Variants in MRPS25 observed in about 807,000 individuals in gnomAD.
The protein encoded by MRPS25 is mitochondrial ribosomal protein S25.
MRPS25 carries 15 observed loss-of-function variants against 17.3 expected under a neutral mutation model. The ratio of observed to expected loss-of-function variants is 0.87; its 90% CI spans 0.58 to 1.34. The LOEUF (loss-of-function observed/expected upper bound fraction) is 1.34, where lower values mean the gene tolerates loss of function less well. Among genes scored for constraint, MRPS25 ranks in the 40% most tolerant of loss-of-function variants. The pLI is 0.00. For missense variants in MRPS25, 225 were observed against 218.6 expected (o/e 1.03, Z -0.19); for synonymous variants, 94 against 83.3 (o/e 1.13, Z -0.70).
downstream of MRPS25, chr3:15,042,567 GT>G (rs1292242964): frequency 4.8e-5 from 16 of 335,976 alleles, no homozygotes; most frequent in Non-Finnish European, 8.1e-5. Flanking sequence ...GAATTTCCAG[GT>G]TTTCTCTTGG....
intron 2 of MRPS25, among the ~76,000 whole-genome samples, chr3:15,058,549 G>A (rs781431576): frequency 9.2e-5 from 14 of 152,098 alleles, no homozygotes; most frequent in Non-Finnish European, 1.8e-4. Context: ...TAATCTCCAC[G>A]AGGGCAGCAG....
At position 15,051,631 on chromosome 3, in the gene MRPS25, C is replaced by T. The variant is rs1322736397; in HGVS notation, c.*810G>A. 8 of 985,668 alleles carry T rather than the reference C, an allele frequency of 8.1e-6. No homozygotes were observed. In the African/African-American group the frequency reaches 1.2e-4, roughly 15 times the overall value. 61.1% of individuals were successfully genotyped at this position (985,668 alleles called of 1,614,324 possible). A position where few individuals can be genotyped will look rare whatever the true frequency, so the allele number is the denominator to read the frequency against. ...GTGCTCAGTAATGCAGCACTCCCTC[C>T]TCCAGAGCTTGGTAAGCAGGGCCTG... On this transcript the variant is annotated 3_prime_UTR_variant, in exon 4 of 4. Transcript: ENST00000253686.
chr3:15,058,251 G>A (rs1485343750), intron 2 of MRPS25, among the ~76,000 whole-genome samples: 7 of 151,864 alleles, frequency 4.6e-5, no homozygotes, highest in Admixed American at 2.0e-4. Flanking sequence ...GTGCAGTGGC[G>A]CGATCTCGGC....
downstream of MRPS25, chr3:15,048,047 T>G (rs2042517706): frequency 1.3e-5 from 2 of 152,668 alleles, no homozygotes; most frequent in African/African-American, 4.8e-5. Flanking sequence ...AGGGGCCTGC[T>G]GGAAGGAATC....
chr3:15,062,565 G>A (rs2042790577), intron 1 of MRPS25, among the ~76,000 whole-genome samples: 1 of 152,040 alleles, frequency 6.6e-6, no homozygotes, highest in Non-Finnish European at 1.5e-5. Flanking sequence ...CATCTGGGAG[G>A]TGTGCCCAAC....
chr3:15,060,334 G>A (rs1448269645), intron 1 of MRPS25, among the ~76,000 whole-genome samples: 4 of 151,850 alleles, frequency 2.6e-5, no homozygotes, highest in Non-Finnish European at 5.9e-5. Context: ...GCAATATAGG[G>A]AGACCCTGTC....
intron 1 of MRPS25, among the ~76,000 whole-genome samples, chr3:15,062,541 C>T (rs1336006253): frequency 6.6e-6 from 1 of 151,838 alleles, no homozygotes; most frequent in Non-Finnish European, 1.5e-5. Flanking sequence ...AGCCCCTCTG[C>T]CCGGCCACCA....
downstream of MRPS25, chr3:15,044,023 G>C (rs957131618): frequency 6.6e-6 from 1 of 152,320 alleles, no homozygotes. Flanking sequence ...AGATGGAGGA[G>C]TGTGGCCTTG....
intron 2 of MRPS25, among the ~76,000 whole-genome samples, chr3:15,055,214 G>A (rs190239331): frequency 1.9e-3 from 291 of 152,318 alleles, no homozygotes; most frequent in African/African-American, 6.5e-3. Flanking sequence ...ACGGTGACTA[G>A]GACTCGTACT....
rs2042579073 is a variant in MRPS25 at position 15,049,971 on chromosome 3, GC to G, written c.*2469del. 6.7e-7 allele frequency: 1 copy of G among 1,502,246 alleles called. No homozygotes were observed. Among genetic ancestry groups the G allele is most frequent in the Admixed American group, 2.4e-5 (1 of 41,356 alleles). The allele number at this position is 1,502,246 out of a possible 1,614,324, so 93.1% of individuals were successfully genotyped here. Reference sequence around the variant, plus strand: ...AGAAAAGTGGTCACTTCAGAATAAGGCTGTGAACACTGCTTGTGCAAGTAAA... The same window carrying G: ...AGAAAAGTGGTCACTTCAGAATAAGGTGTGAACACTGCTTGTGCAAGTAAA... On this transcript the variant is annotated 3_prime_UTR_variant, in exon 4 of 4. Transcript: ENST00000253686.
downstream of MRPS25, chr3:15,043,858 A>T (rs980774760): frequency 5.9e-5 from 9 of 152,220 alleles, no homozygotes; most frequent in East Asian, 1.7e-3. Context: ...TTAACTGCCA[A>T]ATGAGATGTA....
intron 3 of MRPS25, among the ~76,000 whole-genome samples, 153 bp from the exon 4 acceptor site, chr3:15,052,786 T>A (rs1490627980): frequency 6.6e-6 from 1 of 152,076 alleles, no homozygotes; most frequent in Non-Finnish European, 1.5e-5. Context: ...TATCGCTGTC[T>A]CCCTGCTGGC....
rs2042618053 is a variant in MRPS25 at position 15,052,495 on chromosome 3, G to A, written c.468C>T (p.Pro156=). The change falls in exon 4 of 4, where the codon CCC becomes CCT. Residue 156 remains proline, a synonymous_variant. Transcript: ENST00000253686. ...CTTTGTACTTCCCCCTCATCTCCTT[G>A]GGTAATGGCACCAGGCTGGGGCAGG... is the stretch of plus-strand genomic sequence containing the variant. ...QVPCPSLVPL[P]KEMRGKYKAA... is the part of the protein sequence containing the mutation. 2 of 1,614,076 alleles carry A rather than the reference G, an allele frequency of 1.2e-6. No homozygotes were observed. Among genetic ancestry groups the A allele is most frequent in the Middle Eastern group, 1.6e-4 (1 of 6,062 alleles).
At chr3:15,048,446 A>C (rs1031337460), downstream of MRPS25, 1 of 152,618 alleles carries the variant, frequency 6.6e-6, no homozygotes, top group Admixed American at 6.5e-5. Context: ...CGGGGAGAAA[A>C]ATGTCAGATA....
At position 15,057,234 on chromosome 3, in the gene MRPS25, C is replaced by T. The variant is rs80271635; in HGVS notation, c.241+2135G>A. On this transcript the variant is annotated intron_variant, in intron 2 of 3. Coordinates refer to ENST00000253686, the MANE Select transcript of MRPS25 (RefSeq NM_022497.5). ...AACCCAACACAAGGCTAGAATGTCC[C>T]GCTGCGCTGGCCAACGCTCCCAGAG... 7.0e-4 allele frequency among the ~76,000 whole-genome samples: 107 copies of T among 152,322 alleles called. 1 individual carries two copies. In the East Asian group the frequency reaches 0.019, roughly 27 times the overall value.
In MRPS25 at chr3:15,050,880, A is replaced by G. The variant is rs2042594375; in HGVS notation, c.*1561T>C. 3 of 985,376 alleles carry G rather than the reference A, an allele frequency of 3.0e-6. No individual in the cohort carries two copies. Among genetic ancestry groups the G allele is most frequent in the Non-Finnish European group, 3.6e-6 (3 of 829,916 alleles). The allele number at this position is 985,376 out of a possible 1,614,324, so 61.0% of individuals were successfully genotyped here. ...GCTCAATTTAATGTGATAATCTCCAACAGTTAATGAAACACATCGTAGTAT... is the reference window on the plus strand; with the variant it reads ...GCTCAATTTAATGTGATAATCTCCAGCAGTTAATGAAACACATCGTAGTAT... On this transcript the variant is annotated 3_prime_UTR_variant, in exon 4 of 4. Coordinates refer to ENST00000253686, the MANE Select transcript of MRPS25 (RefSeq NM_022497.5).
rs1408646931 is a variant in MRPS25 at position 15,051,806 on chromosome 3, G to A, written c.*635C>T. 1 of 985,362 alleles carries A rather than the reference G, an allele frequency of 1.0e-6. No individual in the cohort carries two copies. Among genetic ancestry groups the A allele is most frequent in the Non-Finnish European group, 1.2e-6 (1 of 829,994 alleles). 61.0% of individuals were successfully genotyped at this position (985,362 alleles called of 1,614,324 possible). On this transcript the variant is annotated 3_prime_UTR_variant, in exon 4 of 4. Coordinates refer to ENST00000253686, the MANE Select transcript of MRPS25 (RefSeq NM_022497.5). ...GGCCATGGGTTGGCAGTGGCTGACTGGTCAGCAGGTACGTGCCTGAGTGAG... is the reference window on the plus strand; with the variant it reads ...GGCCATGGGTTGGCAGTGGCTGACTAGTCAGCAGGTACGTGCCTGAGTGAG...
chr3:15,050,147 C>G lies in MRPS25; in HGVS notation c.*2294G>C. The G allele has an allele frequency of 7.5e-7, 1 of 1,338,984 alleles. No individual in the cohort carries two copies. The highest frequency in any genetic ancestry group is 9.5e-7 in the Non-Finnish European group (1 of 1,054,934). 82.9% of individuals were successfully genotyped at this position (1,338,984 alleles called of 1,614,324 possible). Reference sequence around the variant, plus strand: ...AGAGAAACTATCCAGGATCAAGTAGCCTACAGGGAACAAAAAAAGAAAATA... The same window carrying G: ...AGAGAAACTATCCAGGATCAAGTAGGCTACAGGGAACAAAAAAAGAAAATA... On this transcript the variant is annotated 3_prime_UTR_variant, in exon 4 of 4. Transcript: ENST00000253686.
At chr3:15,060,739 G>A (rs956325688) in intron 1 of MRPS25, among the ~76,000 whole-genome samples, 1 of 152,040 alleles carries the variant, frequency 6.6e-6, no homozygotes, top group East Asian at 1.9e-4. Context: ...AAAATTAGCC[G>A]GCGTGGTGGC....
Sources: gnomAD v4.1 joint callset for allele counts (sites outside exome capture counted in the v4.1 genomes callset) on GRCh38, gnomAD v4.1.1 for gene constraint, MANE v1.5 for transcripts, NCBI Gene and HGNC (gene_info 2026-07-23, HGNC 2026-07-21) for gene names.